SPMAP2L: variants seen among roughly 807,000 people sequenced by gnomAD.
The protein encoded by SPMAP2L is sperm microtubule associated protein 2 like.
the SPMAP2L span, among the ~76,000 whole-genome samples, chr4:56,554,798 A>AT: frequency 6.6e-6 from 1 of 151,958 alleles, no homozygotes; most frequent in Admixed American, 6.6e-5. Flanking sequence ...AAAGTTTTAT[A>AT]TTTTTGTGTT....
the SPMAP2L span, among the ~76,000 whole-genome samples, chr4:56,532,958 A>AC: frequency 1.3e-5 from 2 of 149,204 alleles, no homozygotes; most frequent in South Asian, 2.1e-4. Context: ...TCCTCCATGA[A>AC]CCCCCCTATC....
the SPMAP2L span, among the ~76,000 whole-genome samples, chr4:56,578,553 G>A: frequency 2.6e-5 from 4 of 151,698 alleles, no homozygotes; most frequent in Non-Finnish European, 5.9e-5. Flanking sequence ...TAAAAAGACA[G>A]GATAAAAAAT....
the SPMAP2L span, among the ~76,000 whole-genome samples, chr4:56,621,744 G>A: frequency 6.6e-6 from 1 of 152,210 alleles, no homozygotes; most frequent in African/African-American, 2.4e-5. Flanking sequence ...ATGTAAATGT[G>A]TATTCACTGG....
the SPMAP2L span, among the ~76,000 whole-genome samples, chr4:56,598,907 AG>A: frequency 1.3e-5 from 2 of 152,018 alleles, no homozygotes; most frequent in African/African-American, 2.4e-5. Context: ...CCTGATAGTT[AG>A]TGAGTTCTCA....
chr4:56,583,289 AG>A, the SPMAP2L span, among the ~76,000 whole-genome samples: 1 of 147,408 alleles, frequency 6.8e-6, no homozygotes, highest in South Asian at 2.2e-4. Context: ...AAAAAATAAA[AG>A]GAAAAAAAAA....
At chr4:56,594,641 G>T in the SPMAP2L span, 5 of 1,361,826 alleles carry the variant, frequency 3.7e-6, no homozygotes, top group South Asian at 5.8e-5. Flanking sequence ...CCACATGGCA[G>T]GCATGAAGAT....
the SPMAP2L span, among the ~76,000 whole-genome samples, chr4:56,604,437 A>C: frequency 1.3e-5 from 2 of 152,238 alleles, no homozygotes; most frequent in South Asian, 2.1e-4. Context: ...AGGCAGATGG[A>C]TCACGAGGTC....
chr4:56,599,354 T>A, the SPMAP2L span, among the ~76,000 whole-genome samples: 1 of 152,082 alleles, frequency 6.6e-6, no homozygotes, highest in Non-Finnish European at 1.5e-5. Context: ...CAGCTAATTT[T>A]TTTTGCTCAA....
chr4:56,562,108 C>T, the SPMAP2L span, among the ~76,000 whole-genome samples: 3 of 152,070 alleles, frequency 2.0e-5, no homozygotes, highest in East Asian at 5.8e-4. Context: ...AAGCAAGACA[C>T]AATTACTGTT....
the SPMAP2L span, chr4:56,548,924 C>A: frequency 4.8e-6 from 3 of 624,604 alleles, no homozygotes; most frequent in East Asian, 3.5e-5. Flanking sequence ...TTGGGGTTTT[C>A]AAAAAGGACA....
the SPMAP2L span, chr4:56,594,653 CA>C: frequency 7.5e-7 from 1 of 1,332,546 alleles, no homozygotes; most frequent in Non-Finnish European, 1.1e-6. Context: ...CATGAAGATT[CA>C]GCCTGTGGAG....
At chr4:56,597,409 T>A in the SPMAP2L span, among the ~76,000 whole-genome samples, 1 of 152,182 alleles carries the variant, frequency 6.6e-6, no homozygotes, top group African/African-American at 2.4e-5. Context: ...CCACCATCAA[T>A]TGCAGTGCCA....
chr4:56,574,650 A>C, the SPMAP2L span, among the ~76,000 whole-genome samples: 2 of 152,172 alleles, frequency 1.3e-5, no homozygotes, highest in African/African-American at 4.8e-5. Context: ...AAAAGCAGCA[A>C]ATTTTCTCTT....
At chr4:56,555,431 G>A in the SPMAP2L span, among the ~76,000 whole-genome samples, 1 of 152,094 alleles carries the variant, frequency 6.6e-6, no homozygotes, top group African/African-American at 2.4e-5. Context: ...TGAATATTAT[G>A]TTGACTATTC....
chr4:56,533,253 C>T, the SPMAP2L span, among the ~76,000 whole-genome samples: 7 of 152,184 alleles, frequency 4.6e-5, no homozygotes, highest in South Asian at 6.2e-4. Context: ...CTCAGTGCTG[C>T]TTGCCAGTCA....
chr4:56,575,708 T>C, the SPMAP2L span: 1 of 1,476,590 alleles, frequency 6.8e-7, no homozygotes, highest in Non-Finnish European at 9.0e-7. Flanking sequence ...GTATTTTTGT[T>C]CTAATTTTAG....
At chr4:56,555,237 C>T in the SPMAP2L span, among the ~76,000 whole-genome samples, 2 of 152,104 alleles carry the variant, frequency 1.3e-5, no homozygotes, top group Non-Finnish European at 2.9e-5. Context: ...CCGTGCCTGG[C>T]CAGGACTATC....
the SPMAP2L span, among the ~76,000 whole-genome samples, chr4:56,552,824 C>CT: frequency 7.2e-4 from 109 of 152,300 alleles, no homozygotes; most frequent in South Asian, 1.7e-3. Flanking sequence ...TTAATAATGA[C>CT]TGAGTGCTTT....
the SPMAP2L span, among the ~76,000 whole-genome samples, chr4:56,618,110 T>C: frequency 6.6e-6 from 1 of 152,178 alleles, no homozygotes; most frequent in Non-Finnish European, 1.5e-5. Context: ...CAGATGTGCC[T>C]GTCCTCACCT....
Sources: gnomAD v4.1 joint callset for allele counts (sites outside exome capture counted in the v4.1 genomes callset) on GRCh38, gnomAD v4.1.1 for gene constraint, MANE v1.5 for transcripts, NCBI Gene and HGNC (gene_info 2026-07-23, HGNC 2026-07-21) for gene names.